The following DRC3 variants were observed in gnomAD, a reference collection of about 807,000 sequenced individuals.
DRC3 encodes dynein regulatory complex subunit 3.
A neutral mutation model predicts 57.6 loss-of-function variants in DRC3; 45 were observed. The observed-to-expected ratio is 0.78, with a 90% CI of 0.62 to 1.00. The LOEUF is 1.00. Among genes scored for constraint, DRC3 ranks in the 50% least tolerant of loss-of-function variants. The pLI is 0.00. For missense variants in DRC3, 655 were observed against 675.2 expected, an observed-to-expected ratio of 0.97 and a Z score of 0.33; for synonymous variants, 257 against 272.3, an observed-to-expected ratio of 0.94 and a Z score of 0.55.
chr17:18,007,283 G>C (rs1239216541), intron 12 of DRC3, 136 bp downstream of exon 12: 11 of 1,132,350 alleles, frequency 9.7e-6, no homozygotes, highest in Non-Finnish European at 1.4e-5. Flanking sequence ...ACACTAACCT[G>C]CTTTACAGGG....
chr17:18,004,839 C>T (rs908463048), intron 10 of DRC3: 22 of 225,444 alleles, frequency 9.8e-5, no homozygotes, highest in Non-Finnish European at 1.8e-4. Context: ...AAGACCCCTC[C>T]GCATTGCAGC....
chr17:18,006,005 A>G, intron 10 of DRC3, 178 bp from the exon 11 acceptor site: 2 of 604,914 alleles, frequency 3.3e-6, no homozygotes, highest in African/African-American at 1.8e-5. Context: ...GAGAACAACA[A>G]CTTTAGAGAG....
chr17:17,983,833 C>A lies in DRC3; in HGVS notation c.166C>A (p.Leu56Ile). The stretch of plus-strand genomic sequence containing the variant: ...ATCACCTTCCATTATTTCAGACATC[C>A]TCCGCATAGACAACCTCTGGCAGTT... Reference protein sequence around the residue: ...LSLQLDFRNILRIDNLWQFEN... With the variant: ...LSLQLDFRNIIRIDNLWQFEN... The change falls in exon 4 of 14, where the codon CTC (leucine) becomes ATC (isoleucine). Residue 56 changes from leucine (L) to isoleucine (I), a missense_variant. Physicochemically the swap from Leu to Ile is conservative, Grantham distance 5. Transcript: ENST00000399187. The A allele has an allele frequency of 6.2e-7, 1 of 1,610,690 alleles. No individual in the cohort carries two copies. Among genetic ancestry groups the A allele is most frequent in the Non-Finnish European group, 8.5e-7 (1 of 1,177,174 alleles).
At position 18,007,290 on chromosome 17, in the gene DRC3, A is replaced by G. The variant is rs1230304870; in HGVS notation, c.1326+143A>G. On this transcript the variant is annotated intron_variant, in intron 12 of 13. Coordinates refer to ENST00000399187, the MANE Select transcript of DRC3 (RefSeq NM_031294.4). The stretch of plus-strand genomic sequence containing the variant: ...AAAAGGGCACACTAACCTGCTTTAC[A>G]GGGTTGCTGGCAGATAAAATAGGCT... 9.4e-6 allele frequency: 11 copies of G among 1,172,000 alleles called. No individual in the cohort carries two copies. In the East Asian group the frequency reaches 2.8e-4, roughly 30 times the overall value. 72.6% of individuals were successfully genotyped at this position (1,172,000 alleles called of 1,614,324 possible).
At chr17:18,004,618 C>CTGTA (rs1364394139) in intron 10 of DRC3, 124 bp downstream of exon 10, 9 of 1,032,478 alleles carry the variant, frequency 8.7e-6, no homozygotes, top group South Asian at 4.9e-5. Context: ...GCGTGGCAGG[C>CTGTA]TGTAGCTTTC....
At chr17:18,012,706 A>G (rs2044212056) in intron 12 of DRC3, among the ~76,000 whole-genome samples, 1 of 152,160 alleles carries the variant, frequency 6.6e-6, no homozygotes, top group African/African-American at 2.4e-5. Context: ...AAGACCTGAA[A>G]CTATAAAATG....
chr17:17,999,262 C>T (rs1272715422), intron 9 of DRC3, among the ~76,000 whole-genome samples: 1 of 152,226 alleles, frequency 6.6e-6, no homozygotes, highest in Non-Finnish European at 1.5e-5. Flanking sequence ...CTCGGACGAG[C>T]TGACCATCCT....
chr17:17,974,344 A>C (rs2042286652), intron 2 of DRC3, among the ~76,000 whole-genome samples: 1 of 152,286 alleles, frequency 6.6e-6, no homozygotes, highest in African/African-American at 2.4e-5. Context: ...GCTTCTTAAA[A>C]ACTAAGATCT....
intron 2 of DRC3, 144 bp from the exon 3 acceptor site, chr17:17,977,438 A>G (rs972990987): frequency 2.1e-6 from 2 of 937,386 alleles, no homozygotes; most frequent in Non-Finnish European, 1.6e-6. Flanking sequence ...ACAAACCCCG[A>G]GATGCAGCAG....
At chr17:17,992,459 G>C (rs948886185) in intron 5 of DRC3, among the ~76,000 whole-genome samples, 1 of 152,098 alleles carries the variant, frequency 6.6e-6, no homozygotes, top group African/African-American at 2.4e-5. Context: ...CCTTATACCC[G>C]TTTAACAGAT....
intron 12 of DRC3, among the ~76,000 whole-genome samples, chr17:18,009,841 C>A (rs939543685): frequency 6.6e-6 from 1 of 152,172 alleles, no homozygotes; most frequent in East Asian, 1.9e-4. Context: ...CAGCTCATGA[C>A]CTACATGGGG....
chr17:17,977,894 A>T (rs1038112328), intron 3 of DRC3, 136 bp downstream of exon 3: 76 of 817,380 alleles, frequency 9.3e-5, no homozygotes, highest in Non-Finnish European at 1.4e-4. Flanking sequence ...TACCTGGGTT[A>T]CAAGGCATAG....
At position 17,988,031 on chromosome 17, in the gene DRC3, C is replaced by G; in HGVS notation, c.377C>G (p.Ser126Cys). 6.2e-7 allele frequency: 1 copy of G among 1,614,000 alleles called. No homozygotes were observed. The change falls in exon 5 of 14, where the codon TCC (serine) becomes TGC (cysteine). Residue 126 changes from serine to cysteine, a missense_variant. Transcript: ENST00000399187. ...AACAACCGGATCTCCAAGATCGACT[C>G]CCTGGACGCCCTCGTCAAGCTGCAG... ...LFNNRISKIDSLDALVKLQVL... is the reference protein window; with the variant it reads ...LFNNRISKIDCLDALVKLQVL...
chr17:17,997,846 C>A (rs2043527015), intron 9 of DRC3, among the ~76,000 whole-genome samples: 1 of 152,218 alleles, frequency 6.6e-6, no homozygotes. Context: ...CAGCTCCCCA[C>A]TGCTTGACGT....
chr17:17,992,693 G>A, intron 5 of DRC3, 72 bp from the exon 6 acceptor site: 1 of 1,504,526 alleles, frequency 6.6e-7, no homozygotes, highest in Non-Finnish European at 9.0e-7. Flanking sequence ...GAGTACTGAG[G>A]AGGGAGGTGC....
chr17:18,006,286 A>C (rs1438399176), intron 11 of DRC3, 33 bp downstream of exon 11: 7 of 1,509,396 alleles, frequency 4.6e-6, no homozygotes, highest in Non-Finnish European at 6.4e-6. Context: ...CCCCATGGGG[A>C]GGTGCTACAG....
chr17:18,010,837 G>C, intron 12 of DRC3: 1 of 363,866 alleles, frequency 2.7e-6, no homozygotes, highest in Non-Finnish European at 5.4e-6. Context: ...CCTGGTCAAG[G>C]ACATGAAGAT....
chr17:18,014,877 C>A (rs2044299811), intron 12 of DRC3, among the ~76,000 whole-genome samples: 1 of 152,180 alleles, frequency 6.6e-6, no homozygotes, highest in Non-Finnish European at 1.5e-5. Flanking sequence ...ATGGAAAGAA[C>A]TTAATAATTT....
chr17:17,990,477 T>G (rs932109575), intron 5 of DRC3, among the ~76,000 whole-genome samples: 4 of 152,228 alleles, frequency 2.6e-5, no homozygotes, highest in African/African-American at 9.6e-5. Context: ...GCCAAGTTCT[T>G]TGCTGCCTGG....
Sources: allele counts gnomAD v4.1 joint callset (sites outside exome capture counted in the v4.1 genomes callset), GRCh38; gene constraint gnomAD v4.1.1; transcripts MANE v1.5; gene names NCBI Gene and HGNC (gene_info 2026-07-23, HGNC 2026-07-21).